The following BPIFB4 variants were observed in gnomAD, a reference collection of about 807,000 sequenced individuals.
BPIFB4 encodes BPI fold containing family B member 4, also known as BPI fold-containing family B member 4.
Under a neutral mutation model 69.2 loss-of-function variants are expected in BPIFB4, and 62 were observed. The ratio of observed to expected loss-of-function variants is 0.90; its 90% CI spans 0.73 to 1.11. The LOEUF is 1.11. Ranked by LOEUF, BPIFB4 falls within the 50% of genes least tolerant of loss-of-function variation. The pLI, the probability that BPIFB4 is intolerant of heterozygous loss-of-function variation, is 0.00. For synonymous variants in BPIFB4, 330 were observed against 332.7 expected, an observed-to-expected ratio of 0.99 and a Z score of 0.09; for missense variants, 789 against 792.0, an observed-to-expected ratio of 1.00 and a Z score of 0.04.
At position 33,083,598 on chromosome 20, in the gene BPIFB4, G is replaced by A; in HGVS notation, c.401G>A (p.Arg134Lys). ...RSAENAYGGH[R>K]GLGRYRAAPV... ...GCCGAGAATGCATATGGAGGCCACAGGGGCCTCGGGCGATACAGGGCAGCA... is the reference window on the plus strand; with the variant it reads ...GCCGAGAATGCATATGGAGGCCACAAGGGCCTCGGGCGATACAGGGCAGCA... The change falls in exon 5 of 18, where the codon AGG (arginine) becomes AAG (lysine). Residue 134 changes from arginine (R) to lysine (K), a missense_variant. This residue lies in a region of BPIFB4 where 611 missense variants were observed against 575.4 expected (regional missense o/e 1.06). Coordinates refer to ENST00000375483, the MANE Select transcript of BPIFB4 (RefSeq NM_182519.3). 3.7e-6 allele frequency: 6 copies of A among 1,614,062 alleles called. No homozygotes were observed. The highest frequency in any genetic ancestry group is 5.1e-6 in the Non-Finnish European group (6 of 1,179,992).
At chr20:33,083,105 G>C (rs1486820575) in intron 4 of BPIFB4, 105 bp downstream of exon 4, 2 of 1,021,534 alleles carry the variant, frequency 2.0e-6, no homozygotes, top group Non-Finnish European at 2.9e-6. Context: ...CCTGCTTGGT[G>C]GTGGGGGTGG....
intron 13 of BPIFB4, 86 bp from the exon 14 acceptor site, chr20:33,100,340 C>G (rs1568587337): frequency 8.5e-7 from 1 of 1,181,524 alleles, no homozygotes; most frequent in Non-Finnish European, 1.2e-6. Context: ...GAAGCCCTAG[C>G]TAGCACTGGG....
intron 8 of BPIFB4, 139 bp downstream of exon 8, chr20:33,089,168 A>C: frequency 7.2e-7 from 1 of 1,380,968 alleles, no homozygotes; most frequent in Non-Finnish European, 1.0e-6. Flanking sequence ...ATGTATTTGG[A>C]GGGTCTGGGG....
chr20:33,079,982 G>C (rs1981181408), intron 1 of BPIFB4, among the ~76,000 whole-genome samples: 1 of 152,190 alleles, frequency 6.6e-6, no homozygotes. Context: ...CTCCTCAGCT[G>C]TTTGCTGATG....
chr20:33,106,822 G>T (rs532526299), intron 16 of BPIFB4, among the ~76,000 whole-genome samples: 14 of 152,312 alleles, frequency 9.2e-5, no homozygotes, highest in South Asian at 2.1e-4. Flanking sequence ...AACAGTCTCA[G>T]AGAGGGCTCA....
At chr20:33,094,007 C>T (rs998973869) in intron 11 of BPIFB4, among the ~76,000 whole-genome samples, 3 of 152,192 alleles carry the variant, frequency 2.0e-5, no homozygotes, top group Non-Finnish European at 2.9e-5. Flanking sequence ...TTTGAGCTTT[C>T]GCAGACATCA....
chr20:33,092,307 G>A, intron 10 of BPIFB4, 151 bp from the exon 11 acceptor site: 1 of 632,902 alleles, frequency 1.6e-6, no homozygotes, highest in East Asian at 2.8e-5. Flanking sequence ...CTGGAGGAGA[G>A]TGGGGACCAT....
At chr20:33,095,061 G>A (rs746510814) in intron 11 of BPIFB4, 39 bp from the exon 12 acceptor site, 1 of 1,557,368 alleles carries the variant, frequency 6.4e-7, no homozygotes. Context: ...TGTACCGATA[G>A]CCTCCAGGAT....
intron 17 of BPIFB4, among the ~76,000 whole-genome samples, chr20:33,108,428 T>TATATATATATATATATATATAGAC (rs1360639790): frequency 3.3e-4 from 48 of 147,622 alleles, no homozygotes; most frequent in Middle Eastern, 3.5e-3. Flanking sequence ...TATGTCTATA[T>TATATATATATATATATATATAGAC]ATATATATAG....
At chr20:33,085,889 TG>T in intron 6 of BPIFB4, 131 bp from the exon 7 acceptor site, 1 of 1,101,386 alleles carries the variant, frequency 9.1e-7, no homozygotes, top group Non-Finnish European at 1.3e-6. Context: ...GGAAGAGTTC[TG>T]GGTTGGGTTC....
chr20:33,083,987 C>T, intron 5 of BPIFB4, 113 bp downstream of exon 5: 1 of 1,290,876 alleles, frequency 7.7e-7, no homozygotes, highest in Non-Finnish European at 1.0e-6. Flanking sequence ...CCACACACTT[C>T]AGGGTTTGGC....
chr20:33,081,206 C>G (rs1423950724), intron 2 of BPIFB4, among the ~76,000 whole-genome samples: 2 of 152,176 alleles, frequency 1.3e-5, no homozygotes, highest in African/African-American at 4.8e-5. Flanking sequence ...TTGTTGGAAT[C>G]CCTATTACCC....
At chr20:33,099,747 G>A (rs1981855134) in intron 13 of BPIFB4, among the ~76,000 whole-genome samples, 1 of 152,132 alleles carries the variant, frequency 6.6e-6, no homozygotes, top group South Asian at 2.1e-4. Context: ...CCTGGCACGT[G>A]CACCCAGAGC....
At position 33,092,484 on chromosome 20, in the gene BPIFB4, A is replaced by T; in HGVS notation, c.1170A>T (p.Gly390=). 1 of 1,613,736 alleles carries T rather than the reference A, an allele frequency of 6.2e-7. No homozygotes were observed. The highest frequency in any genetic ancestry group is 8.5e-7 in the Non-Finnish European group (1 of 1,179,922). ...CGCTGGTTGGGGAGGCTGGAGGAGG[A>T]CTCATCGACTACCCATTGGGGTGGC... is the stretch of plus-strand genomic sequence containing the variant. The part of the protein sequence containing the change: ...LNTLVGEAGG[G]LIDYPLGWPA... Residue 390 remains glycine, a synonymous_variant, in exon 11 of 18, where the codon GGA becomes GGT. Coordinates refer to ENST00000375483, the MANE Select transcript of BPIFB4 (RefSeq NM_182519.3).
intron 14 of BPIFB4, among the ~76,000 whole-genome samples, chr20:33,101,775 G>C (rs1040099830): frequency 2.0e-5 from 3 of 152,106 alleles, no homozygotes; most frequent in African/African-American, 7.2e-5. Context: ...TGAACTCCTG[G>C]GCTCAAGTGA....
rs1217932489 is a variant in BPIFB4, at chr20:33,086,003, C to T, written c.783-18C>T. ...TGGGGGTGACTCATGGTCTCCCTGG[C>T]CCCTTGGCCTCCTCCAGTCTTATTG... On this transcript the variant is annotated intron_variant, in intron 6 of 17. Coordinates refer to ENST00000375483, the MANE Select transcript of BPIFB4 (RefSeq NM_182519.3). 1 of 1,598,162 alleles carries T rather than the reference C, an allele frequency of 6.3e-7. No homozygotes were observed. The highest frequency in any genetic ancestry group is 1.1e-5 in the South Asian group (1 of 90,702).
chr20:33,095,184 C>T, intron 12 of BPIFB4, 31 bp downstream of exon 12: 1 of 1,557,588 alleles, frequency 6.4e-7, no homozygotes, highest in Non-Finnish European at 8.9e-7. Flanking sequence ...CCATTGCCTT[C>T]AGCCTCATTC....
At chr20:33,104,955 G>A (rs1041698444) in intron 16 of BPIFB4, 82 bp downstream of exon 16, 37 of 1,379,992 alleles carry the variant, frequency 2.7e-5, no homozygotes, top group South Asian at 3.6e-5. Flanking sequence ...TGCTGGATGT[G>A]CATCTATCCT....
chr20:33,083,486 G>A lies in BPIFB4; in HGVS notation c.289G>A (p.Ala97Thr). Reference sequence around the variant, plus strand: ...TCACATTGAGACCAACGACAACACTGCTCAGCTGGGGGGCAAATACCGATA... The same window carrying A: ...TCACATTGAGACCAACGACAACACTACTCAGCTGGGGGGCAAATACCGATA... The part of the protein sequence containing the change: ...YGHIETNDNT[A>T]QLGGKYRYGE... The change falls in exon 5 of 18, where the codon GCT (alanine) becomes ACT (threonine). Residue 97 changes from alanine to threonine, a missense_variant. Coordinates refer to ENST00000375483, the MANE Select transcript of BPIFB4 (RefSeq NM_182519.3). The A allele has an allele frequency of 1.9e-6, 3 of 1,613,926 alleles. No homozygotes were observed. Among genetic ancestry groups the A allele is most frequent in the Non-Finnish European group, 2.5e-6 (3 of 1,179,966 alleles).
Sources: gnomAD v4.1 joint callset for allele counts (sites outside exome capture counted in the v4.1 genomes callset) on GRCh38, gnomAD v4.1.1 for gene constraint, gnomAD v4.1.1 regional missense constraint, MANE v1.5 for transcripts, NCBI Gene and HGNC (gene_info 2026-07-23, HGNC 2026-07-21) for gene names.